Variants in PCLO observed in about 807,000 individuals in gnomAD.
PCLO encodes piccolo presynaptic cytomatrix protein, also known as protein piccolo.
Under a neutral mutation model 427.5 loss-of-function variants are expected in PCLO, and 82 were observed. The ratio of observed to expected loss-of-function variants is 0.19; its 90% CI spans 0.16 to 0.23. The LOEUF is 0.23. PCLO is among the 10% of genes least tolerant of loss of function. The pLI, the probability that PCLO is intolerant of heterozygous loss-of-function variation, is 1.00. For missense variants in PCLO, 6,239 were observed against 6,115.9 expected (o/e 1.02, Z -0.67); for synonymous variants, 2,357 against 2,155.4 (o/e 1.09, Z -2.59).
At chr7:82,971,420 A>G (rs914962261) in intron 3 of PCLO, among the ~76,000 whole-genome samples, 4 of 150,764 alleles carry the variant, frequency 2.7e-5, no homozygotes, top group East Asian at 1.9e-4. Context: ...GTGTGTGTGT[A>G]TATATATGTG....
At chr7:83,047,002 G>A (rs528386442) in intron 3 of PCLO, among the ~76,000 whole-genome samples, 1 of 152,000 alleles carries the variant, frequency 6.6e-6, no homozygotes, top group African/African-American at 2.4e-5. Context: ...GCTAGGTATA[G>A]TATCTTAACC....
chr7:82,980,747 T>C (rs936842318), intron 3 of PCLO, among the ~76,000 whole-genome samples: 1 of 151,986 alleles, frequency 6.6e-6, no homozygotes, highest in East Asian at 1.9e-4. Context: ...GCAGCAGAAC[T>C]GAATGAGGGA....
intron 6 of PCLO, among the ~76,000 whole-genome samples, chr7:82,937,332 TAC>T (rs1794977432): frequency 6.7e-6 from 1 of 150,078 alleles, no homozygotes; most frequent in Admixed American, 6.6e-5. Flanking sequence ...ACATCCACAC[TAC>T]AGTTTTTTTT....
rs1300491925 is a variant in PCLO at position 83,000,413 on chromosome 7, C to A, written c.3301-33926G>T. Among the ~76,000 whole-genome samples, 3 of 151,940 alleles carry A rather than the reference C, an allele frequency of 2.0e-5. No individual in the cohort carries two copies. In the South Asian group the frequency reaches 6.2e-4, roughly 32 times the overall value. ...ATTGAGGAAATTTGTTGCCAGTAGA[C>A]CTGCCTTGTAAGAAATGTTAAAAGA... On this transcript the variant is annotated intron_variant, in intron 3 of 24. Transcript: ENST00000333891.
chr7:82,961,520 G>A (rs758578728), intron 4 of PCLO, among the ~76,000 whole-genome samples: 1 of 152,166 alleles, frequency 6.6e-6, no homozygotes, highest in Non-Finnish European at 1.5e-5. Context: ...CCACTGTGGC[G>A]TGCACATACC....
rs541416155 is a variant in PCLO at position 83,082,844 on chromosome 7, A to G, written c.3300+51406T>C. 5.9e-5 allele frequency among the ~76,000 whole-genome samples: 9 copies of G among 151,962 alleles called. No homozygotes were observed. The South Asian group carries it at 1.9e-3, about 31-fold the overall frequency. On this transcript the variant is annotated intron_variant, in intron 3 of 24. Coordinates refer to ENST00000333891, the MANE Select transcript of PCLO (RefSeq NM_033026.6). ...GGAAAAATAGGTATTAAAAATTTAT[A>G]AAGAATTATGTGGAGAGGCTGGTTC... is the stretch of plus-strand genomic sequence containing the variant.
At chr7:82,911,286 T>C (rs567797590) in intron 7 of PCLO, among the ~76,000 whole-genome samples, 48 of 152,262 alleles carry the variant, frequency 3.2e-4, no homozygotes, top group Non-Finnish European at 6.0e-4. Context: ...TGCTTTTGTA[T>C]TGAATTTTGT....
intron 3 of PCLO, among the ~76,000 whole-genome samples, chr7:83,133,959 T>G (rs1036883403): frequency 6.6e-6 from 1 of 151,760 alleles, no homozygotes; most frequent in African/African-American, 2.4e-5. Context: ...TTTTTCTTTA[T>G]TTCATGAATG....
intron 10 of PCLO, among the ~76,000 whole-genome samples, chr7:82,867,480 C>T (rs17156767): frequency 0.036 from 5,441 of 152,166 alleles, 182 homozygotes; most frequent in East Asian, 0.16. Flanking sequence ...GTCTACAAAC[C>T]ACTGGAGATA....
chr7:82,773,381 T>G (rs751392860), intron 22 of PCLO, among the ~76,000 whole-genome samples: 10 of 152,106 alleles, frequency 6.6e-5, no homozygotes, highest in Non-Finnish European at 1.0e-4. Flanking sequence ...AACCTCTGAG[T>G]GAACCTGTGA....
At chr7:83,157,422 G>C (rs187606927) in intron 1 of PCLO, among the ~76,000 whole-genome samples, 61 of 152,072 alleles carry the variant, frequency 4.0e-4, no homozygotes, top group African/African-American at 1.3e-3. Context: ...GCCATTGATT[G>C]ATTATTAGTA....
chr7:83,048,571 A>C (rs1789158221), intron 3 of PCLO, among the ~76,000 whole-genome samples: 1 of 152,120 alleles, frequency 6.6e-6, no homozygotes, highest in Admixed American at 6.6e-5. Flanking sequence ...CTTTCCCCCC[A>C]ACTCCACACT....
intron 3 of PCLO, among the ~76,000 whole-genome samples, chr7:83,119,485 A>T (rs1306504458): frequency 3.3e-5 from 5 of 152,098 alleles, no homozygotes; most frequent in Non-Finnish European, 7.4e-5. Flanking sequence ...TAGTGCAGAT[A>T]AAAATGCAGT....
intron 9 of PCLO, chr7:82,894,553 G>A (rs1465474345): frequency 1.3e-5 from 2 of 152,066 alleles, no homozygotes; most frequent in African/African-American, 4.8e-5. Flanking sequence ...AGAACAGCAC[G>A]AGAAAAACTC....
At chr7:82,984,498 G>A (rs991015031) in intron 3 of PCLO, among the ~76,000 whole-genome samples, 4 of 150,388 alleles carry the variant, frequency 2.7e-5, no homozygotes, top group Non-Finnish European at 5.9e-5. Context: ...TAAGCATTGC[G>A]GTCAAGGGCC....
At position 82,915,897 on chromosome 7, in the gene PCLO, G is replaced by A. The variant is rs1794445854; in HGVS notation, c.12089C>T (p.Ser4030Phe). 1 of 1,613,326 alleles carries A rather than the reference G, an allele frequency of 6.2e-7. No individual in the cohort carries two copies. Among genetic ancestry groups the A allele is most frequent in the African/African-American group, 1.3e-5 (1 of 74,904 alleles). The change falls in exon 7 of 25, where the codon TCT becomes TTT. Residue 4030 changes from serine to phenylalanine, a missense_variant. Physicochemically the swap from Ser to Phe is radical, Grantham distance 155. Around this residue, in one of 5 missense-constraint regions of PCLO, gnomAD observed 680 missense variants for 677.3 expected, o/e 1.00. Transcript: ENST00000333891. ...SMASSPISSI[S>F]ADSFYADIDH... ...AATATCTGCATAGAAAGAATCTGCAGATATGCTTGATATTGGACTGCTTGC... is the reference window on the plus strand; with the variant it reads ...AATATCTGCATAGAAAGAATCTGCAAATATGCTTGATATTGGACTGCTTGC...
intron 6 of PCLO, among the ~76,000 whole-genome samples, chr7:82,935,188 G>C (rs1201430077): frequency 1.1e-5 from 1 of 93,610 alleles, no homozygotes; most frequent in Non-Finnish European, 2.0e-5. Context: ...AAGCAGCCTG[G>C]TATACTAAAA....
At chr7:83,063,852 G>GTTCC (rs1262296929) in intron 3 of PCLO, among the ~76,000 whole-genome samples, 3 of 152,046 alleles carry the variant, frequency 2.0e-5, no homozygotes, top group Non-Finnish European at 2.9e-5. Flanking sequence ...TTATTGTGAT[G>GTTCC]TTCCTCTCAT....
intron 3 of PCLO, among the ~76,000 whole-genome samples, chr7:82,974,703 G>A (rs774233536): frequency 5.3e-5 from 8 of 152,058 alleles, no homozygotes; most frequent in South Asian, 2.1e-4. Context: ...TTTTATGTGC[G>A]TCAAGTTAAT....
Sources: gnomAD v4.1 joint callset for allele counts (sites outside exome capture counted in the v4.1 genomes callset) on GRCh38, gnomAD v4.1.1 for gene constraint, gnomAD v4.1.1 regional missense constraint, MANE v1.5 for transcripts, NCBI Gene and HGNC (gene_info 2026-07-23, HGNC 2026-07-21) for gene names.